LRRTM4: variants seen among roughly 807,000 people sequenced by gnomAD.
The protein encoded by LRRTM4 is leucine-rich repeat transmembrane neuronal protein 4.
A neutral mutation model predicts 47.6 loss-of-function variants in LRRTM4; 25 were observed. The observed-to-expected ratio is 0.53, with a 90% CI of 0.38 to 0.73. The LOEUF is 0.73. LRRTM4 is among the 30% of genes least tolerant of loss of function. The pLI is 0.00. For missense variants in LRRTM4, 638 were observed against 713.4 expected (o/e 0.89, Z 1.20); for synonymous variants, 311 against 269.5 (o/e 1.15, Z -1.51).
intron 3 of LRRTM4, among the ~76,000 whole-genome samples, chr2:76,994,289 T>G (rs1217081465): frequency 6.6e-6 from 1 of 151,690 alleles, no homozygotes; most frequent in Non-Finnish European, 1.5e-5. Flanking sequence ...ATTTTAAAAA[T>G]TATAAAAATA....
intron 3 of LRRTM4, among the ~76,000 whole-genome samples, chr2:77,118,609 T>A (rs1671449761): frequency 6.6e-6 from 1 of 151,918 alleles, no homozygotes; most frequent in Admixed American, 6.6e-5. Flanking sequence ...AAATTGAGTC[T>A]ATCAAGGTGA....
chr2:76,827,428 G>C (rs1049275119), intron 3 of LRRTM4, among the ~76,000 whole-genome samples: 3 of 151,716 alleles, frequency 2.0e-5, no homozygotes, highest in African/African-American at 7.3e-5. Context: ...CTAAGCGTTT[G>C]AGTCCCCCTT....
At chr2:76,798,405 G>A (rs544639988) in intron 3 of LRRTM4, among the ~76,000 whole-genome samples, 12 of 151,470 alleles carry the variant, frequency 7.9e-5, no homozygotes, top group Admixed American at 3.3e-4. Flanking sequence ...AAACCAACGA[G>A]AACAAAGACA....
At chr2:77,271,208 C>T (rs1048347578) in intron 3 of LRRTM4, among the ~76,000 whole-genome samples, 1 of 152,126 alleles carries the variant, frequency 6.6e-6, no homozygotes, top group Non-Finnish European at 1.5e-5. Context: ...AGCTCAGGAC[C>T]CACTGAATAT....
At chr2:77,515,820 A>T (rs1679187254) in intron 3 of LRRTM4, among the ~76,000 whole-genome samples, 1 of 151,824 alleles carries the variant, frequency 6.6e-6, no homozygotes. Flanking sequence ...CAACAGGAGA[A>T]ATTTTACTCC....
intron 3 of LRRTM4, among the ~76,000 whole-genome samples, chr2:77,139,849 A>C (rs1255085682): frequency 6.6e-6 from 1 of 152,196 alleles, no homozygotes; most frequent in African/African-American, 2.4e-5. Flanking sequence ...CAGAGAGCCA[A>C]ATGATGAGTG....
intron 3 of LRRTM4, among the ~76,000 whole-genome samples, chr2:77,484,854 T>G (rs1367003895): frequency 7.9e-5 from 12 of 152,150 alleles, no homozygotes; most frequent in Non-Finnish European, 1.3e-4. Flanking sequence ...TGAATTTAAT[T>G]ACTGGAATCT....
At chr2:76,989,216 T>G (rs1676916752) in intron 3 of LRRTM4, among the ~76,000 whole-genome samples, 1 of 151,800 alleles carries the variant, frequency 6.6e-6, no homozygotes, top group Admixed American at 6.6e-5. Flanking sequence ...AGTGACTGAG[T>G]AGCAGGTAGA....
intron 3 of LRRTM4, among the ~76,000 whole-genome samples, chr2:77,158,306 G>T (rs752968471): frequency 1.2e-4 from 19 of 152,318 alleles, no homozygotes; most frequent in Middle Eastern, 3.4e-3. Flanking sequence ...CCCACTAGGA[G>T]TGTGGATTTC....
At chr2:76,890,226 G>C (rs1420325358) in intron 3 of LRRTM4, among the ~76,000 whole-genome samples, 1 of 151,942 alleles carries the variant, frequency 6.6e-6, no homozygotes, top group Non-Finnish European at 1.5e-5. Flanking sequence ...TAGTGGTCTA[G>C]CACTGAGTGT....
At chr2:77,166,431 T>C (rs1392650260) in intron 3 of LRRTM4, among the ~76,000 whole-genome samples, 1 of 152,190 alleles carries the variant, frequency 6.6e-6, no homozygotes, top group African/African-American at 2.4e-5. Flanking sequence ...CCAATGACTT[T>C]CTTCACAGAG....
At chr2:77,051,609 T>A (rs534108959) in intron 3 of LRRTM4, among the ~76,000 whole-genome samples, 5 of 152,204 alleles carry the variant, frequency 3.3e-5, no homozygotes, top group African/African-American at 1.2e-4. Flanking sequence ...AATTAATACA[T>A]GTAATGTCAT....
At chr2:76,987,774 A>G (rs1676854827) in intron 3 of LRRTM4, among the ~76,000 whole-genome samples, 1 of 151,806 alleles carries the variant, frequency 6.6e-6, no homozygotes, top group African/African-American at 2.4e-5. Flanking sequence ...ACATGAGCTC[A>G]TGGTGTTCCT....
At chr2:77,070,047 G>T (rs6725685) in intron 3 of LRRTM4, among the ~76,000 whole-genome samples, 22,901 of 151,534 alleles carry the variant, frequency 0.15, 2,553 homozygotes, top group East Asian at 0.42. Context: ...GCACAGATCA[G>T]ATTATATATA....
chr2:77,113,165 C>T (rs1255685855), intron 3 of LRRTM4, among the ~76,000 whole-genome samples: 2 of 151,968 alleles, frequency 1.3e-5, no homozygotes, highest in African/African-American at 4.8e-5. Context: ...TGAGCTGAGC[C>T]TGAGTAATTA....
chr2:77,327,626 A>G (rs1055126910), intron 3 of LRRTM4, among the ~76,000 whole-genome samples: 2 of 152,176 alleles, frequency 1.3e-5, no homozygotes, highest in Admixed American at 6.5e-5. Flanking sequence ...ATGTAATTAC[A>G]GGATTTGAGA....
At chr2:77,176,110 T>C (rs912259342) in intron 3 of LRRTM4, among the ~76,000 whole-genome samples, 1 of 152,150 alleles carries the variant, frequency 6.6e-6, no homozygotes, top group African/African-American at 2.4e-5. Flanking sequence ...TGTGTATGAA[T>C]GCTTGAGGCT....
intron 3 of LRRTM4, among the ~76,000 whole-genome samples, chr2:76,939,309 TA>T (rs1298700277): frequency 1.3e-5 from 2 of 152,322 alleles, no homozygotes; most frequent in Non-Finnish European, 2.9e-5. Context: ...TGAAGTGCCA[TA>T]AGCTACCTTT....
chr2:77,513,129 G>A (rs909699803), intron 3 of LRRTM4, among the ~76,000 whole-genome samples: 6 of 152,142 alleles, frequency 3.9e-5, no homozygotes, highest in South Asian at 2.1e-4. Context: ...AGACATATAC[G>A]TGTGTGGGAG....
Sources: allele counts gnomAD v4.1 joint callset (sites outside exome capture counted in the v4.1 genomes callset), GRCh38; gene constraint gnomAD v4.1.1; transcripts MANE v1.5; gene names NCBI Gene and HGNC (gene_info 2026-07-23, HGNC 2026-07-21).